NPAS3: variants seen among roughly 807,000 people sequenced by gnomAD.
NPAS3 encodes neuronal PAS domain-containing protein 3.
A neutral mutation model predicts 73.1 loss-of-function variants in NPAS3; 14 were observed. The observed-to-expected ratio is 0.19, with a 90% confidence interval of 0.13 to 0.30. The LOEUF (loss-of-function observed/expected upper bound fraction) is 0.30. Among genes scored for constraint, NPAS3 ranks in the 10% least tolerant of loss-of-function variants. NPAS3 has a pLI of 1.00. For synonymous variants in NPAS3, 620 were observed against 541.5 expected (o/e 1.14, Z -2.01); for missense variants, 1,096 against 1,250.0 (o/e 0.88, Z 1.86).
intron 3 of NPAS3, among the ~76,000 whole-genome samples, chr14:33,325,829 C>T (rs1005335216): frequency 6.6e-6 from 1 of 151,364 alleles, no homozygotes; most frequent in African/African-American, 2.4e-5. Context: ...CTATGATAAG[C>T]CAATCTGATG....
At position 33,267,162 on chromosome 14, in the gene NPAS3, A is replaced by G. The variant is rs12587993; in HGVS notation, c.385+51736A>G. On this transcript the variant is annotated intron_variant, in intron 3 of 11. Coordinates refer to ENST00000356141, the Ensembl canonical transcript of NPAS3. Reference sequence around the variant, plus strand: ...AAATAAATTAAATGCCACAATTCACATTGTATAATTTTAAGACTTTGGGGA... The same window carrying G: ...AAATAAATTAAATGCCACAATTCACGTTGTATAATTTTAAGACTTTGGGGA... Among the ~76,000 whole-genome samples the G allele has an allele frequency of 3.3e-5, 5 of 152,288 alleles. No individual in the cohort carries two copies. In the East Asian group the frequency reaches 7.7e-4, roughly 24 times the overall value.
At chr14:33,196,918 G>C (rs1048774751) in intron 2 of NPAS3, among the ~76,000 whole-genome samples, 1 of 152,090 alleles carries the variant, frequency 6.6e-6, no homozygotes, top group Admixed American at 6.5e-5. Context: ...TTTATTTTCT[G>C]TGTAAGAATT....
At position 33,560,341 on chromosome 14, in the gene NPAS3, G is replaced by T. The variant is rs1442138952; in HGVS notation, c.558+131G>T. 1.8e-5 allele frequency: 9 copies of T among 512,332 alleles called. No individual in the cohort carries two copies. In the South Asian group the frequency reaches 3.5e-4, roughly 20 times the overall value. The allele number at this position is 512,332 out of a possible 1,614,324, so 31.7% of individuals were successfully genotyped here. A position where few individuals can be genotyped will look rare whatever the true frequency, so the allele number is the denominator to read the frequency against. On this transcript the variant is annotated intron_variant, in intron 5 of 11. Coordinates refer to ENST00000356141, the Ensembl canonical transcript of NPAS3. Reference sequence around the variant, plus strand: ...TATTATTTAATGGCTTTACCTGACTGTTCTCTCAAAGTCAGTGAGAAACCT... The same window carrying T: ...TATTATTTAATGGCTTTACCTGACTTTTCTCTCAAAGTCAGTGAGAAACCT...
At chr14:33,529,693 G>C (rs1166071328) in intron 4 of NPAS3, among the ~76,000 whole-genome samples, 1 of 151,734 alleles carries the variant, frequency 6.6e-6, no homozygotes, top group Non-Finnish European at 1.5e-5. Context: ...GAAGGAAGCT[G>C]TCATCAAAAC....
intron 4 of NPAS3, among the ~76,000 whole-genome samples, chr14:33,385,083 T>G (rs1224548693): frequency 2.6e-5 from 4 of 152,196 alleles, no homozygotes; most frequent in Non-Finnish European, 5.9e-5. Flanking sequence ...AGCAAGGCTT[T>G]AGCATTTTTA....
chr14:33,238,377 G>C (rs1158294460), intron 3 of NPAS3, among the ~76,000 whole-genome samples: 1 of 151,892 alleles, frequency 6.6e-6, no homozygotes, highest in Non-Finnish European at 1.5e-5. Flanking sequence ...CAATTAGTTG[G>C]TTTCTATTTC....
At chr14:33,190,544 C>A (rs1181625360) in intron 2 of NPAS3, among the ~76,000 whole-genome samples, 2 of 152,212 alleles carry the variant, frequency 1.3e-5, no homozygotes, top group African/African-American at 4.8e-5. Flanking sequence ...GAATCTTTAG[C>A]TCACATTGGG....
Position 33,704,098 on chromosome 14 carries a change from G to A in NPAS3, c.733+27713G>A, listed in dbSNP as rs147666603. Among the ~76,000 whole-genome samples, 148 of 152,250 alleles carry A rather than the reference G, an allele frequency of 9.7e-4. 1 individual carries two copies. The East Asian group carries it at 0.018, about 18-fold the overall frequency. The stretch of plus-strand genomic sequence containing the variant: ...ACTATGTGAGGATGAAAGAAAACCC[G>A]TAGAAAAGCACAAAGTAAAACACTA... On this transcript the variant is annotated intron_variant, in intron 6 of 11. Transcript: ENST00000356141.
chr14:33,697,683 T>C (rs1226008131), intron 6 of NPAS3, among the ~76,000 whole-genome samples: 1 of 152,144 alleles, frequency 6.6e-6, no homozygotes, highest in African/African-American at 2.4e-5. Context: ...CTCGAAGTTG[T>C]AACTTATCTG....
intron 3 of NPAS3, among the ~76,000 whole-genome samples, chr14:33,331,650 G>C (rs2043992502): frequency 6.6e-6 from 1 of 151,642 alleles, no homozygotes; most frequent in Non-Finnish European, 1.5e-5. Context: ...GCTTTCAGCT[G>C]GGACACCTAG....
intron 9 of NPAS3, among the ~76,000 whole-genome samples, chr14:33,791,017 C>T (rs1035231287): frequency 6.6e-5 from 10 of 152,186 alleles, no homozygotes; most frequent in South Asian, 4.1e-4. Context: ...AACTCTGCAC[C>T]GTATCTGTAG....
intron 3 of NPAS3, among the ~76,000 whole-genome samples, chr14:33,315,578 C>T (rs960664328): frequency 1.3e-5 from 2 of 151,400 alleles, no homozygotes; most frequent in Non-Finnish European, 3.0e-5. Flanking sequence ...AATAAGTAAC[C>T]TCCATTTAGC....
intron 2 of NPAS3, among the ~76,000 whole-genome samples, chr14:33,196,794 A>C (rs1031834107): frequency 5.3e-5 from 8 of 152,242 alleles, no homozygotes; most frequent in Admixed American, 1.3e-4. Flanking sequence ...ATGAATGCTT[A>C]TAGAAGTCTT....
At chr14:32,953,627 G>A (rs1003898868) in intron 1 of NPAS3, among the ~76,000 whole-genome samples, 2 of 152,064 alleles carry the variant, frequency 1.3e-5, no homozygotes, top group African/African-American at 4.8e-5. Flanking sequence ...GCAAGCCATG[G>A]CCTGCCACAC....
At chr14:33,131,552 C>G (rs1395843393) in intron 2 of NPAS3, among the ~76,000 whole-genome samples, 1 of 152,106 alleles carries the variant, frequency 6.6e-6, no homozygotes, top group African/African-American at 2.4e-5. Context: ...GTGTATCTGC[C>G]TCTCTCCAGA....
chr14:32,962,268 A>G (rs1327047576), intron 1 of NPAS3, among the ~76,000 whole-genome samples: 1 of 152,182 alleles, frequency 6.6e-6, no homozygotes, highest in Non-Finnish European at 1.5e-5. Context: ...AAAACGTAAG[A>G]CTAGATTTTT....
chr14:33,418,750 C>T (rs565805748), intron 4 of NPAS3, among the ~76,000 whole-genome samples: 6 of 151,812 alleles, frequency 4.0e-5, no homozygotes, highest in Admixed American at 6.6e-5. Context: ...TGAATATTTC[C>T]GCAATCATTG....
rs916953785 is a variant in NPAS3 at position 33,769,756 on chromosome 14, C to CTTTTTTTTTTTT, written c.853-4566_853-4555dup. 2.9e-4 allele frequency among the ~76,000 whole-genome samples: 24 copies of CTTTTTTTTTTTT among 81,878 alleles called. 2 individuals are homozygous for CTTTTTTTTTTTT. Among genetic ancestry groups the CTTTTTTTTTTTT allele is most frequent in the East Asian group, 1.2e-3 (3 of 2,504 alleles). 53.7% of individuals were successfully genotyped at this position (81,878 alleles called of 152,430 possible). The stretch of plus-strand genomic sequence containing the variant: ...CCTGAAAGACTTGGATTTTTTTTTT[C>CTTTTTTTTTTTT]TTTTTTTTTTTTTTTTTTTTTTTTT... On this transcript the variant is annotated intron_variant, in intron 7 of 11. Transcript: ENST00000356141.
intron 1 of NPAS3, among the ~76,000 whole-genome samples, chr14:33,007,576 C>A (rs2039042201): frequency 6.6e-6 from 1 of 152,146 alleles, no homozygotes; most frequent in Non-Finnish European, 1.5e-5. Context: ...TTGTTTTGTT[C>A]TGCAGATGTG....
Sources: gnomAD v4.1 joint callset for allele counts (sites outside exome capture counted in the v4.1 genomes callset) on GRCh38, gnomAD v4.1.1 for gene constraint, MANE v1.5 for transcripts, NCBI Gene and HGNC (gene_info 2026-07-23, HGNC 2026-07-21) for gene names.